The following DMTF1 variants were observed in gnomAD, a reference collection of about 807,000 sequenced individuals.
The protein encoded by DMTF1 is cyclin-D-binding Myb-like transcription factor 1.
In DMTF1, 39 loss-of-function variants were observed where a neutral mutation model predicts 91.1. The observed-to-expected ratio is 0.43, with a 90% CI of 0.33 to 0.56. The LOEUF is 0.56. Ranked by LOEUF, DMTF1 falls within the 20% of genes least tolerant of loss-of-function variation. DMTF1 has a pLI of 0.05. For synonymous variants in DMTF1, 338 were observed against 309.5 expected, an observed-to-expected ratio of 1.09 and a Z score of -0.97; for missense variants, 750 against 914.5, an observed-to-expected ratio of 0.82 and a Z score of 2.32.
intron 5 of DMTF1, among the ~76,000 whole-genome samples, chr7:87,171,918 A>G (rs1795159492): frequency 6.6e-6 from 1 of 152,182 alleles, no homozygotes. Flanking sequence ...ATTTGAGGGA[A>G]AATTTGAGCC....
chr7:87,156,224 G>A (rs972196164), intron 1 of DMTF1, among the ~76,000 whole-genome samples: 6 of 152,090 alleles, frequency 3.9e-5, no homozygotes, highest in Non-Finnish European at 8.8e-5. Context: ...TTTTGAATAA[G>A]CAATATAGTT....
At chr7:87,174,255 A>C (rs546288960) in intron 6 of DMTF1, among the ~76,000 whole-genome samples, 1 of 152,280 alleles carries the variant, frequency 6.6e-6, no homozygotes, top group East Asian at 1.9e-4. Context: ...TCACTGGAGA[A>C]ATTTTTCAAA....
At chr7:87,171,956 T>C (rs1010789135) in intron 5 of DMTF1, among the ~76,000 whole-genome samples, 3 of 152,194 alleles carry the variant, frequency 2.0e-5, no homozygotes, top group Admixed American at 6.5e-5. Flanking sequence ...TGCCCCCAAA[T>C]AGTGGTTAAT....
At chr7:87,191,070 A>G in intron 14 of DMTF1, 43 bp downstream of exon 14, 1 of 1,276,982 alleles carries the variant, frequency 7.8e-7, no homozygotes, top group Non-Finnish European at 1.1e-6. Context: ...TATGCATGAG[A>G]AAGATCAGTT....
chr7:87,185,587 T>G (rs1374071002), intron 11 of DMTF1, among the ~76,000 whole-genome samples: 1 of 152,184 alleles, frequency 6.6e-6, no homozygotes, highest in Non-Finnish European at 1.5e-5. Flanking sequence ...CTCTAACCAT[T>G]TATAGTTTAG....
intron 3 of DMTF1, 29 bp from the exon 4 acceptor site, chr7:87,166,449 TTGAAA>T: frequency 6.3e-7 from 1 of 1,586,070 alleles, no homozygotes; most frequent in Non-Finnish European, 8.6e-7. Flanking sequence ...CCTCTTTGGT[TTGAAA>T]TTTTTGTTTG....
Position 87,166,590 on chromosome 7 carries a change from G to T in DMTF1, c.217G>T (p.Val73Phe). ...SIDDSTPCIS[V>F]VALPLSENDQ... ...TGATGATTCTACTCCTTGCATATCA[G>T]TTGTTGCACTTCCACGTAAGTCACT... Residue 73 changes from valine to phenylalanine, a missense_variant, in exon 4 of 18, where the codon GTT becomes TTT. Coordinates refer to ENST00000331242, the MANE Select transcript of DMTF1 (RefSeq NM_001142327.2). The T allele has an allele frequency of 1.9e-6, 3 of 1,612,430 alleles. No individual in the cohort carries two copies. The highest frequency in any genetic ancestry group is 2.5e-6 in the Non-Finnish European group (3 of 1,179,314).
intron 6 of DMTF1, among the ~76,000 whole-genome samples, chr7:87,173,908 AGTG>A (rs972757765): frequency 2.6e-5 from 4 of 152,212 alleles, no homozygotes; most frequent in African/African-American, 9.6e-5. Flanking sequence ...ACAAATGCAT[AGTG>A]GTGGCATTTA....
intron 7 of DMTF1, among the ~76,000 whole-genome samples, chr7:87,176,111 C>G (rs769619006): frequency 4.6e-5 from 7 of 152,180 alleles, no homozygotes; most frequent in Non-Finnish European, 1.0e-4. Flanking sequence ...CTTTTCCACT[C>G]TACACTAATG....
chr7:87,182,178 A>C, intron 9 of DMTF1, 50 bp from the exon 10 acceptor site: 1 of 1,613,252 alleles, frequency 6.2e-7, no homozygotes, highest in Non-Finnish European at 8.5e-7. Flanking sequence ...ATGAAATTAA[A>C]AGGGAGAAAA....
At chr7:87,167,145 T>C (rs746791038) in intron 4 of DMTF1, among the ~76,000 whole-genome samples, 5 of 152,218 alleles carry the variant, frequency 3.3e-5, no homozygotes, top group Non-Finnish European at 7.3e-5. Context: ...GTTCCTGTAA[T>C]ACATACTCTT....
chr7:87,170,968 G>T, intron 4 of DMTF1, 27 bp from the exon 5 acceptor site: 1 of 1,436,088 alleles, frequency 7.0e-7, no homozygotes. Flanking sequence ...TTATTATTCT[G>T]GAGATGAACG....
intron 12 of DMTF1, chr7:87,187,843 C>CT (rs1000380202): frequency 8.2e-6 from 4 of 488,090 alleles, no homozygotes; most frequent in Admixed American, 3.6e-5. Context: ...TAATGTCTAC[C>CT]TTTTTTTAAC....
intron 16 of DMTF1, 81 bp from the exon 17 acceptor site, chr7:87,194,603 A>AACCTATACAT: frequency 1.9e-6 from 2 of 1,039,846 alleles, no homozygotes; most frequent in South Asian, 1.6e-5. Context: ...GTTTAAGTCT[A>AACCTATACAT]ACCTATACAT....
At chr7:87,153,404 G>A (rs1789824331) in intron 1 of DMTF1, among the ~76,000 whole-genome samples, 1 of 152,106 alleles carries the variant, frequency 6.6e-6, no homozygotes, top group Non-Finnish European at 1.5e-5. Context: ...ATTTCTTCAG[G>A]GAGGTATGTA....
intron 10 of DMTF1, among the ~76,000 whole-genome samples, chr7:87,184,040 A>G (rs1797917393): frequency 6.6e-6 from 1 of 152,212 alleles, no homozygotes; most frequent in Non-Finnish European, 1.5e-5. Flanking sequence ...GAAAAAAAGC[A>G]TGCCATTTCT....
intron 2 of DMTF1, among the ~76,000 whole-genome samples, chr7:87,164,054 T>TAAAA (rs61634018): frequency 6.8e-5 from 5 of 73,498 alleles, no homozygotes; most frequent in African/African-American, 2.2e-4. Flanking sequence ...ACGCCTTCTC[T>TAAAA]AAAAAAAAAA....
At chr7:87,184,273 G>C (rs1052536393) in intron 10 of DMTF1, 124 bp from the exon 11 acceptor site, 1 of 834,886 alleles carries the variant, frequency 1.2e-6, no homozygotes, top group African/African-American at 1.7e-5. Context: ...TTCCACCAGA[G>C]GGTCATTCAG....
At chr7:87,192,619 A>G (rs1800119529) in intron 14 of DMTF1, 1 of 152,178 alleles carries the variant, frequency 6.6e-6, no homozygotes, top group East Asian at 1.9e-4. Flanking sequence ...CAAATTTTTT[A>G]TATAGAAGCT....
Sources: gnomAD v4.1 joint callset for allele counts (sites outside exome capture counted in the v4.1 genomes callset) on GRCh38, gnomAD v4.1.1 for gene constraint, MANE v1.5 for transcripts, NCBI Gene and HGNC (gene_info 2026-07-23, HGNC 2026-07-21) for gene names.